Variants in IBTK observed in about 807,000 individuals in gnomAD.
IBTK encodes BTK-binding protein.
A neutral mutation model predicts 154.9 loss-of-function variants in IBTK; 83 were observed. That is an observed-to-expected ratio of 0.54 (90% CI 0.45 to 0.64). The LOEUF (loss-of-function observed/expected upper bound fraction) is 0.64. Ranked by LOEUF, IBTK falls within the 30% of genes least tolerant of loss-of-function variation. IBTK has a pLI of 0.00. For synonymous variants in IBTK, 515 were observed against 536.1 expected (o/e 0.96, Z 0.54); for missense variants, 1,332 against 1,584.6 (o/e 0.84, Z 2.71).
At chr6:82,213,033 CTTT>C (rs11367840) in intron 12 of IBTK, among the ~76,000 whole-genome samples, 1 of 146,522 alleles carries the variant, frequency 6.8e-6, no homozygotes. Context: ...AAAGTTTTTC[CTTT>C]TTTTTTTTTG....
At chr6:82,212,889 T>C (rs1465556789) in intron 12 of IBTK, 96 bp from the exon 13 acceptor site, 4 of 679,080 alleles carry the variant, frequency 5.9e-6, no homozygotes, top group African/African-American at 1.8e-5. Context: ...CTAAATATAA[T>C]ACTGTATCCT....
chr6:82,172,285 G>A, intron 28 of IBTK, 95 bp downstream of exon 28: 1 of 1,204,932 alleles, frequency 8.3e-7, no homozygotes, highest in Non-Finnish European at 1.2e-6. Context: ...ATAGATACAA[G>A]CACCTGTCCA....
chr6:82,228,842 C>T (rs1369080835), intron 4 of IBTK, among the ~76,000 whole-genome samples: 2 of 151,954 alleles, frequency 1.3e-5, no homozygotes, highest in Non-Finnish European at 2.9e-5. Context: ...AGGATGGTCT[C>T]GATCTCCTGA....
chr6:82,194,453 G>A (rs1218807452), intron 23 of IBTK, 26 bp downstream of exon 23: 1 of 1,461,336 alleles, frequency 6.8e-7, no homozygotes, highest in Non-Finnish European at 9.2e-7. Context: ...CAAACTAACA[G>A]TTATAGAATA....
intron 8 of IBTK, 87 bp from the exon 9 acceptor site, chr6:82,220,800 A>C: frequency 9.6e-7 from 1 of 1,037,924 alleles, no homozygotes; most frequent in Non-Finnish European, 1.3e-6. Flanking sequence ...TTCAAACAAC[A>C]ATCTATAGGC....
chr6:82,188,961 C>T (rs761922181), intron 25 of IBTK: 17 of 399,820 alleles, frequency 4.3e-5, no homozygotes, highest in Non-Finnish European at 6.8e-5. Flanking sequence ...ACCTAGGAGG[C>T]GGAGGTTGCA....
intron 5 of IBTK, 85 bp downstream of exon 5, chr6:82,227,107 G>GA (rs67652569): frequency 0.21 from 180,103 of 846,922 alleles, 18,052 homozygotes; most frequent in Admixed American, 0.27. Flanking sequence ...CCTTACAGTT[G>GA]AAAAAAAAAT....
At chr6:82,236,878 T>G (rs1487021187) in intron 2 of IBTK, among the ~76,000 whole-genome samples, 1 of 152,096 alleles carries the variant, frequency 6.6e-6, no homozygotes, top group African/African-American at 2.4e-5. Context: ...CCTACCAACA[T>G]GAGAATGCTG....
chr6:82,193,973 T>G (rs960177782), intron 23 of IBTK, among the ~76,000 whole-genome samples: 1 of 152,072 alleles, frequency 6.6e-6, no homozygotes, highest in Non-Finnish European at 1.5e-5. Flanking sequence ...TGAGCCACCA[T>G]GCCCAGCCTT....
In IBTK at chr6:82,201,445, G is replaced by C. The variant is rs760265323; in HGVS notation, c.2767C>G (p.Leu923Val). The change falls in exon 19 of 29, where the codon CTT becomes GTT. Residue 923 changes from leucine (L) to valine (V), a missense_variant. Coordinates refer to ENST00000306270, the MANE Select transcript of IBTK (RefSeq NM_015525.4). ...DVLSDGVLKD[L>V]SEFYRKMIPA... ...ACCATTTTCCGGTAAAACTCAGAAAGATCCTTCAAAACACCATCGCTTAAA... is the reference window on the plus strand; with the variant it reads ...ACCATTTTCCGGTAAAACTCAGAAACATCCTTCAAAACACCATCGCTTAAA... The C allele has an allele frequency of 6.2e-7, 1 of 1,608,686 alleles. No individual in the cohort carries two copies. The highest frequency in any genetic ancestry group is 8.5e-7 in the Non-Finnish European group (1 of 1,177,328).
intron 22 of IBTK, among the ~76,000 whole-genome samples, chr6:82,195,810 G>C (rs1321314715): frequency 6.6e-6 from 1 of 152,092 alleles, no homozygotes; most frequent in Non-Finnish European, 1.5e-5. Flanking sequence ...GAGCTGATTA[G>C]GCTAGGAATC....
chr6:82,202,792 C>A lies in IBTK; in HGVS notation c.2612-147G>T, dbSNP rs1298440188. 1.5e-5 allele frequency: 8 copies of A among 536,696 alleles called. No homozygotes were observed. In the East Asian group the frequency reaches 1.9e-4, roughly 12 times the overall value. 33.2% of individuals were successfully genotyped at this position (536,696 alleles called of 1,614,324 possible). ...TGCCAAAAATAAGTTAATACTGGGG[C>A]AAATATGTAACTCTTCCATCCCAAT... On this transcript the variant is annotated intron_variant, in intron 17 of 28. Coordinates refer to ENST00000306270, the MANE Select transcript of IBTK (RefSeq NM_015525.4).
chr6:82,233,485 T>C (rs1223213319), intron 3 of IBTK, among the ~76,000 whole-genome samples: 1 of 152,196 alleles, frequency 6.6e-6, no homozygotes, highest in African/African-American at 2.4e-5. Context: ...ATAACAGTCC[T>C]CCCATTTTAG....
intron 26 of IBTK, among the ~76,000 whole-genome samples, chr6:82,175,679 T>C: frequency 6.6e-6 from 1 of 152,176 alleles, no homozygotes; most frequent in East Asian, 1.9e-4. Context: ...TGTAGAAAAT[T>C]TAGCCTTCTG....
chr6:82,174,985 C>G (rs1768057219), intron 26 of IBTK: 1 of 456,024 alleles, frequency 2.2e-6, no homozygotes, highest in African/African-American at 2.0e-5. Flanking sequence ...ATGTCACCTT[C>G]TCTCTCCTCC....
At position 82,171,275 on chromosome 6, in the gene IBTK, CATT is replaced by C; in HGVS notation, c.*147_*149del. On this transcript the variant is annotated 3_prime_UTR_variant, in exon 29 of 29. Transcript: ENST00000306270. The stretch of plus-strand genomic sequence containing the variant: ...AGAAATTTATTTTTAATCATACAAA[CATT>C]ATATGATTTAACTGCAGTAAAGAAA... 1 of 514,322 alleles carries C rather than the reference CATT, an allele frequency of 1.9e-6. No homozygotes were observed. The highest frequency in any genetic ancestry group is 3.3e-6 in the Non-Finnish European group (1 of 304,984). The allele number at this position is 514,322 out of a possible 1,614,324, so 31.9% of individuals were successfully genotyped here.
At position 82,224,163 on chromosome 6, in the gene IBTK, C is replaced by T; in HGVS notation, c.848G>A (p.Gly283Glu). The T allele has an allele frequency of 6.2e-7, 1 of 1,613,870 alleles. No homozygotes were observed. The highest frequency in any genetic ancestry group is 8.5e-7 in the Non-Finnish European group (1 of 1,179,758). ...PRQIQAKYLKGRTIIGVAAGR... is the reference protein window; with the variant it reads ...PRQIQAKYLKERTIIGVAAGR... ...TGCTGCAACGCCAATGATTGTCCTT[C>T]CTTTCAGATATTTTGCCTGTATCTA... The change falls in exon 7 of 29, where the codon GGA (glycine) becomes GAA (glutamate). Residue 283 changes from glycine (G) to glutamate (E), a missense_variant. Coordinates refer to ENST00000306270, the MANE Select transcript of IBTK (RefSeq NM_015525.4).
At chr6:82,206,148 A>T (rs1281037628) in intron 16 of IBTK, among the ~76,000 whole-genome samples, 2 of 152,226 alleles carry the variant, frequency 1.3e-5, no homozygotes, top group Non-Finnish European at 2.9e-5. Context: ...AGGACACTGC[A>T]GCCTTTCCTG....
At chr6:82,220,741 T>A in intron 8 of IBTK, 28 bp from the exon 9 acceptor site, 1 of 1,509,662 alleles carries the variant, frequency 6.6e-7, no homozygotes, top group Non-Finnish European at 8.9e-7. Flanking sequence ...AAATCCTAGA[T>A]TAATATGTTC....
Sources: gnomAD v4.1 joint callset for allele counts (sites outside exome capture counted in the v4.1 genomes callset) on GRCh38, gnomAD v4.1.1 for gene constraint, MANE v1.5 for transcripts, NCBI Gene and HGNC (gene_info 2026-07-23, HGNC 2026-07-21) for gene names.